Variants in PDZRN4 observed in about 807,000 individuals in gnomAD.
The protein encoded by PDZRN4 is PDZ domain containing ring finger 4.
A neutral mutation model predicts 99.0 loss-of-function variants in PDZRN4; 70 were observed. The observed-to-expected ratio is 0.71, with a 90% CI of 0.58 to 0.86. The LOEUF is 0.86. Among genes scored for constraint, PDZRN4 ranks in the 40% least tolerant of loss-of-function variants. The pLI, the probability that PDZRN4 is intolerant of heterozygous loss-of-function variation, is 0.00. For synonymous variants in PDZRN4, 551 were observed against 501.6 expected, an observed-to-expected ratio of 1.10 and a Z score of -1.32; for missense variants, 1,474 against 1,331.2, an observed-to-expected ratio of 1.11 and a Z score of -1.67.
At chr12:41,281,003 C>T (rs977632237) in intron 3 of PDZRN4, among the ~76,000 whole-genome samples, 10 of 152,272 alleles carry the variant, frequency 6.6e-5, no homozygotes, top group Middle Eastern at 3.4e-3. Context: ...TGGGACAAAG[C>T]TTCCAGAGGA....
At chr12:41,269,315 C>T (rs1201024621) in intron 3 of PDZRN4, among the ~76,000 whole-genome samples, 2 of 152,024 alleles carry the variant, frequency 1.3e-5, no homozygotes, top group Admixed American at 1.3e-4. Flanking sequence ...ACAAATTCTC[C>T]CTAGAGAAAG....
At chr12:41,543,022 G>A (rs1246248785) in intron 5 of PDZRN4, among the ~76,000 whole-genome samples, 1 of 152,042 alleles carries the variant, frequency 6.6e-6, no homozygotes, top group African/African-American at 2.4e-5. Context: ...TTGGTTATGA[G>A]ACCTGTTAGA....
intron 9 of PDZRN4, among the ~76,000 whole-genome samples, chr12:41,569,258 T>C (rs1305401397): frequency 6.6e-6 from 1 of 152,144 alleles, no homozygotes; most frequent in Non-Finnish European, 1.5e-5. Context: ...TAGCTGGGAC[T>C]ATAAGTGCAC....
chr12:41,234,752 G>T (rs762716801), intron 3 of PDZRN4, among the ~76,000 whole-genome samples: 2 of 152,130 alleles, frequency 1.3e-5, no homozygotes, highest in Non-Finnish European at 2.9e-5. Flanking sequence ...AAGTTGGTTG[G>T]ATGAGAGCTG....
intron 3 of PDZRN4, among the ~76,000 whole-genome samples, chr12:41,359,514 C>T (rs1057222424): frequency 1.3e-5 from 2 of 151,952 alleles, no homozygotes; most frequent in Non-Finnish European, 2.9e-5. Context: ...AACTCCCATA[C>T]AAGTGGGAAT....
intron 3 of PDZRN4, among the ~76,000 whole-genome samples, chr12:41,250,756 G>A (rs1259010287): frequency 2.0e-5 from 3 of 152,160 alleles, no homozygotes; most frequent in Admixed American, 6.5e-5. Context: ...GCATTGACAC[G>A]GTGGAGAAAG....
chr12:41,444,507 A>G (rs1952707081), intron 3 of PDZRN4, among the ~76,000 whole-genome samples: 2 of 152,200 alleles, frequency 1.3e-5, no homozygotes, highest in Middle Eastern at 3.4e-3. Context: ...TATAATCACT[A>G]TATTCTCAGC....
At chr12:41,369,128 G>A (rs1043853760) in intron 3 of PDZRN4, among the ~76,000 whole-genome samples, 4 of 152,052 alleles carry the variant, frequency 2.6e-5, no homozygotes, top group African/African-American at 9.7e-5. Context: ...TATAAAAACA[G>A]TATTGAGTAA....
intron 3 of PDZRN4, among the ~76,000 whole-genome samples, chr12:41,228,602 A>G (rs1196866390): frequency 6.6e-6 from 1 of 152,150 alleles, no homozygotes; most frequent in East Asian, 1.9e-4. Flanking sequence ...TCCTAAATAA[A>G]AAGGCTACCT....
intron 3 of PDZRN4, among the ~76,000 whole-genome samples, chr12:41,451,313 C>G (rs1181537078): frequency 6.6e-6 from 1 of 152,028 alleles, no homozygotes; most frequent in Non-Finnish European, 1.5e-5. Context: ...ATAAATATTA[C>G]CAATTTATTT....
chr12:41,390,543 G>C (rs902844838), intron 3 of PDZRN4, among the ~76,000 whole-genome samples: 3 of 130,158 alleles, frequency 2.3e-5, no homozygotes, highest in African/African-American at 9.2e-5. Flanking sequence ...TGGTAGTCTG[G>C]GGTTTGAGAA....
At chr12:41,417,895 GACAA>G (rs1024430428) in intron 3 of PDZRN4, among the ~76,000 whole-genome samples, 4 of 152,148 alleles carry the variant, frequency 2.6e-5, no homozygotes, top group African/African-American at 9.7e-5. Context: ...TATATATATA[GACAA>G]ACAGTCTAAC....
intron 5 of PDZRN4, among the ~76,000 whole-genome samples, chr12:41,510,709 T>A (rs1054284188): frequency 1.3e-5 from 2 of 152,124 alleles, no homozygotes; most frequent in African/African-American, 4.8e-5. Flanking sequence ...TTCAGCAAAG[T>A]GTTCTCTTCC....
At chr12:41,393,175 GT>G (rs1353947408) in intron 3 of PDZRN4, among the ~76,000 whole-genome samples, 1 of 152,114 alleles carries the variant, frequency 6.6e-6, no homozygotes, top group East Asian at 1.9e-4. Flanking sequence ...TTTAGAAGTA[GT>G]ACTTTTTCCT....
chr12:41,375,071 A>G (rs1023961770), intron 3 of PDZRN4, among the ~76,000 whole-genome samples: 3 of 152,148 alleles, frequency 2.0e-5, no homozygotes, highest in African/African-American at 7.2e-5. Context: ...GAAGGTCTCT[A>G]GCTAGCAGCT....
intron 5 of PDZRN4, among the ~76,000 whole-genome samples, chr12:41,539,672 G>A (rs1938813531): frequency 6.6e-6 from 1 of 152,068 alleles, no homozygotes; most frequent in Non-Finnish European, 1.5e-5. Flanking sequence ...TATCAACAGG[G>A]TTATCTATTT....
chr12:41,222,685 C>G (rs534745179), intron 3 of PDZRN4, among the ~76,000 whole-genome samples: 70 of 151,978 alleles, frequency 4.6e-4, no homozygotes, highest in African/African-American at 1.5e-3. Context: ...CCACCATGCC[C>G]GGCTAGTTTT....
intron 3 of PDZRN4, among the ~76,000 whole-genome samples, chr12:41,234,368 A>G (rs760351864): frequency 8.5e-5 from 13 of 152,264 alleles, no homozygotes; most frequent in South Asian, 2.1e-4. Context: ...TTATCTTAGA[A>G]AAGTTCAAAT....
intron 3 of PDZRN4, among the ~76,000 whole-genome samples, chr12:41,422,872 C>CA (rs958335026): frequency 6.6e-6 from 1 of 152,146 alleles, no homozygotes; most frequent in Non-Finnish European, 1.5e-5. Context: ...CATATGCACA[C>CA]ACAATGGAAA....
Sources: allele counts gnomAD v4.1 joint callset (sites outside exome capture counted in the v4.1 genomes callset), GRCh38; gene constraint gnomAD v4.1.1; transcripts MANE v1.5; gene names NCBI Gene and HGNC (gene_info 2026-07-23, HGNC 2026-07-21).